SH3GL2: variants seen among roughly 807,000 people sequenced by gnomAD.
SH3GL2 encodes the protein endophilin-A1.
In SH3GL2, 24 loss-of-function variants were observed where a neutral mutation model predicts 46.0. The observed-to-expected ratio is 0.52, with a 90% CI of 0.38 to 0.73. The LOEUF is 0.73. SH3GL2 is among the 30% of genes least tolerant of loss of function. SH3GL2 has a pLI of 0.00. For synonymous variants in SH3GL2, 196 were observed against 147.1 expected, an observed-to-expected ratio of 1.33 and a Z score of -2.40; for missense variants, 413 against 424.2, an observed-to-expected ratio of 0.97 and a Z score of 0.23.
At chr9:17,727,520 A>G (rs1241528957) in intron 1 of SH3GL2, among the ~76,000 whole-genome samples, 1 of 152,148 alleles carries the variant, frequency 6.6e-6, no homozygotes, top group African/African-American at 2.4e-5. Context: ...CTCCAGCCCA[A>G]GCTTGGTAGA....
At chr9:17,708,702 A>T (rs984630388) in intron 1 of SH3GL2, among the ~76,000 whole-genome samples, 1 of 151,934 alleles carries the variant, frequency 6.6e-6, no homozygotes, top group African/African-American at 2.4e-5. Flanking sequence ...CAGGTTTGTT[A>T]TGTGAAAGCA....
intron 3 of SH3GL2, among the ~76,000 whole-genome samples, chr9:17,762,391 C>T (rs1465343110): frequency 1.9e-5 from 2 of 104,006 alleles, no homozygotes; most frequent in Non-Finnish European, 3.8e-5. Context: ...CAATAGTGGA[C>T]AAGTGATCAA....
intron 7 of SH3GL2, among the ~76,000 whole-genome samples, 196 bp from the exon 8 acceptor site, chr9:17,793,171 A>G (rs1380541904): frequency 1.3e-5 from 2 of 152,238 alleles, no homozygotes; most frequent in East Asian, 1.9e-4. Flanking sequence ...CAGTGAGGAC[A>G]TGGCCCCATA....
At chr9:17,748,037 G>C (rs995689239) in intron 2 of SH3GL2, among the ~76,000 whole-genome samples, 2 of 152,124 alleles carry the variant, frequency 1.3e-5, no homozygotes, top group Admixed American at 6.5e-5. Context: ...TTTTAGTTAA[G>C]GCTTAAAAAT....
At chr9:17,793,092 G>T (rs901260305) in intron 7 of SH3GL2, among the ~76,000 whole-genome samples, 1 of 152,174 alleles carries the variant, frequency 6.6e-6, no homozygotes, top group Admixed American at 6.5e-5. Flanking sequence ...ACCTAGCACA[G>T]TGCGTATTTG....
chr9:17,707,286 A>G (rs1470143106), intron 1 of SH3GL2, among the ~76,000 whole-genome samples: 1 of 151,984 alleles, frequency 6.6e-6, no homozygotes, highest in Non-Finnish European at 1.5e-5. Flanking sequence ...AATATCTTCC[A>G]CTGGCTCTCA....
chr9:17,758,656 A>T (rs1823079221), intron 2 of SH3GL2, among the ~76,000 whole-genome samples: 1 of 150,580 alleles, frequency 6.6e-6, no homozygotes, highest in Admixed American at 6.7e-5. Context: ...TCTTTAGTAT[A>T]ATTCCTGATA....
At chr9:17,747,541 C>A (rs1333626689) in intron 2 of SH3GL2, among the ~76,000 whole-genome samples, 1 of 152,152 alleles carries the variant, frequency 6.6e-6, no homozygotes, top group Non-Finnish European at 1.5e-5. Context: ...GGATGATTGG[C>A]CAGAGGCAGC....
chr9:17,704,691 C>A (rs1046212686), intron 1 of SH3GL2, among the ~76,000 whole-genome samples: 2 of 152,024 alleles, frequency 1.3e-5, no homozygotes, highest in Non-Finnish European at 2.9e-5. Context: ...GGAAAGTACT[C>A]CTTATTCAGT....
At chr9:17,597,149 G>A (rs1422249198) in intron 1 of SH3GL2, among the ~76,000 whole-genome samples, 1 of 152,224 alleles carries the variant, frequency 6.6e-6, no homozygotes, top group African/African-American at 2.4e-5. Context: ...ATCTGCTGAA[G>A]CATATACCAA....
intron 3 of SH3GL2, among the ~76,000 whole-genome samples, chr9:17,778,801 A>G (rs1306447403): frequency 6.6e-6 from 1 of 152,132 alleles, no homozygotes; most frequent in African/African-American, 2.4e-5. Flanking sequence ...GACTAATTGC[A>G]TATTAGGCAA....
At chr9:17,790,786 C>T (rs1056308037) in intron 6 of SH3GL2, among the ~76,000 whole-genome samples, 2 of 152,154 alleles carry the variant, frequency 1.3e-5, no homozygotes, top group African/African-American at 2.4e-5. Context: ...CATACCATGT[C>T]GCCTCTCCGG....
intron 1 of SH3GL2, among the ~76,000 whole-genome samples, chr9:17,621,511 A>G (rs932780599): frequency 2.6e-5 from 4 of 152,176 alleles, no homozygotes; most frequent in African/African-American, 9.7e-5. Context: ...TTTTATTGGA[A>G]TCAATGCCTG....
At chr9:17,789,681 T>G (rs906804642) in intron 6 of SH3GL2, 131 bp downstream of exon 6, 35 of 1,432,772 alleles carry the variant, frequency 2.4e-5, no homozygotes, top group Middle Eastern at 2.4e-4. Context: ...AGATAGTTAT[T>G]TATTTTAAAT....
intron 1 of SH3GL2, among the ~76,000 whole-genome samples, chr9:17,738,577 G>T (rs60566581): frequency 0.24 from 18,716 of 77,600 alleles, 2,985 homozygotes; most frequent in South Asian, 0.31. Context: ...TATATATATA[G>T]AGAGAGAGAG....
intron 1 of SH3GL2, among the ~76,000 whole-genome samples, chr9:17,597,958 A>C (rs377637233): frequency 1.3e-5 from 2 of 152,140 alleles, no homozygotes; most frequent in African/African-American, 2.4e-5. Flanking sequence ...AGATGGATAA[A>C]ATACTCATTC....
chr9:17,739,768 T>C (rs1389860218), intron 1 of SH3GL2, among the ~76,000 whole-genome samples: 1 of 152,186 alleles, frequency 6.6e-6, no homozygotes, highest in Non-Finnish European at 1.5e-5. Flanking sequence ...CCCTCTATTA[T>C]AAATTTTTCC....
intron 1 of SH3GL2, among the ~76,000 whole-genome samples, chr9:17,599,129 G>T (rs1481204048): frequency 6.6e-6 from 1 of 152,096 alleles, no homozygotes; most frequent in Non-Finnish European, 1.5e-5. Flanking sequence ...AATCCTTTTT[G>T]TCACATCTTA....
chr9:17,711,876 A>G (rs894226705), intron 1 of SH3GL2, among the ~76,000 whole-genome samples: 5 of 151,832 alleles, frequency 3.3e-5, no homozygotes, highest in Middle Eastern at 3.2e-3. Flanking sequence ...TTTAACTTTT[A>G]AAAACAGTAC....
Sources: allele counts gnomAD v4.1 joint callset (sites outside exome capture counted in the v4.1 genomes callset), GRCh38; gene constraint gnomAD v4.1.1; transcripts MANE v1.5; gene names NCBI Gene and HGNC (gene_info 2026-07-23, HGNC 2026-07-21).